Variants in ZNF12 observed in about 807,000 individuals in gnomAD.
ZNF12 encodes zinc finger protein 12.
In ZNF12, 34 loss-of-function variants were observed where a neutral mutation model predicts 66.6. That is an observed-to-expected ratio of 0.51 (90% confidence interval 0.39 to 0.68). The LOEUF is 0.68. Among genes scored for constraint, ZNF12 ranks in the 30% least tolerant of loss-of-function variants. ZNF12 has a pLI of 0.00. For synonymous variants in ZNF12, 320 were observed against 278.9 expected (o/e 1.15, Z -1.47); for missense variants, 697 against 826.9 (o/e 0.84, Z 1.93).
In ZNF12 at chr7:6,692,326, G is replaced by A. The variant is rs773826360; in HGVS notation, c.616C>T (p.Leu206Phe). The A allele has an allele frequency of 6.2e-7, 1 of 1,609,624 alleles. No individual in the cohort carries two copies. The highest frequency in any genetic ancestry group is 8.5e-7 in the Non-Finnish European group (1 of 1,178,304). The change falls in exon 5 of 5, where the codon CTT becomes TTT. Residue 206 changes from leucine (L) to phenylalanine (F), a missense_variant. Leu to Phe is a conservative substitution (Grantham distance 22). Around this residue, in one of 3 missense-constraint regions of ZNF12, gnomAD observed 241 missense variants for 224.0 expected, o/e 1.08. Coordinates refer to ENST00000405858, the MANE Select transcript of ZNF12 (RefSeq NM_016265.4). This position sits in a 1 kb window ranked among gnomAD's most constrained non-coding sequence, Gnocchi z 5.1. ...TCCAAAATACGAATTTTCTGATAAA[G>A]ACTTTCTTCATTTAGAGTATAAGGT... ...GEPYTLNEES[L>F]YQKIRILEKP...
Position 6,692,167 on chromosome 7 carries a change from G to A in ZNF12, c.775C>T (p.His259Tyr), listed in dbSNP as rs1417418035. Residue 259 changes from histidine (H) to tyrosine (Y), a missense_variant, in exon 5 of 5, where the codon CAT becomes TAT. Physicochemically the swap from His to Tyr is moderately conservative, Grantham distance 83 (BLOSUM62 2). This residue lies in a region of ZNF12 where 241 missense variants were observed against 224.0 expected (regional missense o/e 1.08). Coordinates refer to ENST00000405858, the MANE Select transcript of ZNF12 (RefSeq NM_016265.4). The surrounding 1 kb of genome is among the most constrained non-coding windows in gnomAD (Gnocchi z 5.1). ...TTCATTTCCATATGAGATGTCTGAT[G>A]TACAGTGAGGTCCGACATCTGGAGA... ...AFLQMSDLTV[H>Y]QTSHMEMKPY... The A allele has an allele frequency of 1.2e-6, 2 of 1,614,160 alleles. No individual in the cohort carries two copies. Among genetic ancestry groups the A allele is most frequent in the Admixed American group, 1.7e-5 (1 of 60,012 alleles).
At chr7:6,701,714 C>T (rs1202075216) in intron 2 of ZNF12, among the ~76,000 whole-genome samples, 1 of 152,064 alleles carries the variant, frequency 6.6e-6, no homozygotes, top group African/African-American at 2.4e-5. Flanking sequence ...TGTCTACCCT[C>T]TTCTCTAACC....
In ZNF12 at chr7:6,705,386, C is replaced by A. The variant is rs775920392; in HGVS notation, c.-50-163G>T. Reference sequence around the variant, plus strand: ...ATTGGAAAATGATCAGGAGGGGGACCGATCTGCACATTTGAAACTCACACA... The same window carrying A: ...ATTGGAAAATGATCAGGAGGGGGACAGATCTGCACATTTGAAACTCACACA... On this transcript the variant is annotated intron_variant, in intron 1 of 4. Transcript: ENST00000405858. The surrounding 1 kb of genome is among the most constrained non-coding windows in gnomAD (Gnocchi z 4.0). Among the ~76,000 whole-genome samples the A allele has an allele frequency of 3.3e-5, 5 of 152,224 alleles. No homozygotes were observed. The highest frequency in any genetic ancestry group is 1.9e-4 in the East Asian group (1 of 5,192).
chr7:6,695,317 C>A (rs1422235653), intron 4 of ZNF12, among the ~76,000 whole-genome samples: 1 of 152,232 alleles, frequency 6.6e-6, no homozygotes, highest in Non-Finnish European at 1.5e-5. Context: ...TGTTCTTAAT[C>A]TGAATCATAT....
At chr7:6,706,308 A>G in intron 1 of ZNF12, 124 bp downstream of exon 1, 1 of 432,776 alleles carries the variant, frequency 2.3e-6, no homozygotes, top group South Asian at 1.6e-5. Context: ...CTGCCTTCAA[A>G]CCCAAACACA....
chr7:6,690,998 G>A lies in ZNF12; in HGVS notation c.1944C>T (p.Leu648=). The change falls in exon 5 of 5, where the codon CTC becomes CTT. Residue 648 remains leucine (L), a synonymous_variant. Coordinates refer to ENST00000405858, the MANE Select transcript of ZNF12 (RefSeq NM_016265.4). ...CGKAFSRMSY[L]TVHYRTHSGE... Reference sequence around the variant, plus strand: ...CTGAATGAGTTCTATAATGTACAGTGAGGTATGACATCCGAGAGAAGGCTT... The same window carrying A: ...CTGAATGAGTTCTATAATGTACAGTAAGGTATGACATCCGAGAGAAGGCTT... The A allele has an allele frequency of 6.2e-7, 1 of 1,614,138 alleles. No individual in the cohort carries two copies. The highest frequency in any genetic ancestry group is 1.3e-5 in the African/African-American group (1 of 75,046).
In ZNF12 at chr7:6,690,887, T is replaced by G; in HGVS notation, c.2055A>C (p.Arg685Ser). 5 of 1,613,732 alleles carry G rather than the reference T, an allele frequency of 3.1e-6. No homozygotes were observed. Among genetic ancestry groups the G allele is most frequent in the Non-Finnish European group, 4.2e-6 (5 of 1,179,822 alleles). The change falls in exon 5 of 5, where the codon AGA becomes AGC. Residue 685 changes from arginine (R) to serine (S), a missense_variant. By Grantham distance (110) the Arg-to-Ser change is moderately radical (BLOSUM62 -1). Coordinates refer to ENST00000405858, the MANE Select transcript of ZNF12 (RefSeq NM_016265.4). Reference sequence around the variant, plus strand: ...CCACATCTATTACATTCATATTGCCTCTCCTATGAATTCTCTGATGGCTGT... The same window carrying G: ...CCACATCTATTACATTCATATTGCCGCTCCTATGAATTCTCTGATGGCTGT... ...AFNSHQRIHR[R>S]GNMNVIDVGR...
rs1394162471 is a variant in ZNF12 at position 6,705,614 on chromosome 7, G to C, written c.-50-391C>G. Among the ~76,000 whole-genome samples, 1 of 152,122 alleles carries C rather than the reference G, an allele frequency of 6.6e-6. No homozygotes were observed. The highest frequency in any genetic ancestry group is 1.5e-5 in the Non-Finnish European group (1 of 68,030). On this transcript the variant is annotated intron_variant, in intron 1 of 4. Transcript: ENST00000405858. This position sits in a 1 kb window ranked among gnomAD's most constrained non-coding sequence, Gnocchi z 4.0. ...GGCGCCTGTAACCCCAGCTACTCGG[G>C]AGGCTGAGGCAGGAGAATCGCTTGA...
At position 6,698,069 on chromosome 7, in the gene ZNF12, C is replaced by G. The variant is rs765008894; in HGVS notation, c.16-258G>C. ...GAAACAATCCTGGCTGTTGGGAACT[C>G]TTAACACCAGCAGGGACGAATCTCA... is the stretch of plus-strand genomic sequence containing the variant. On this transcript the variant is annotated intron_variant, in intron 2 of 4. Transcript: ENST00000405858. The surrounding 1 kb of genome is among the most constrained non-coding windows in gnomAD (Gnocchi z 4.4). 1.5e-6 allele frequency: 1 copy of G among 680,782 alleles called. No homozygotes were observed. Among genetic ancestry groups the G allele is most frequent in the Non-Finnish European group, 2.7e-6 (1 of 365,918 alleles). The allele number at this position is 680,782 out of a possible 1,614,324, so 42.2% of individuals were successfully genotyped here.
chr7:6,706,320 G>A (rs1258160873), intron 1 of ZNF12, 112 bp downstream of exon 1: 6 of 441,176 alleles, frequency 1.4e-5, no homozygotes, highest in African/African-American at 4.1e-5. Flanking sequence ...CCAAACACAC[G>A]TCACTCCTGC....
chr7:6,700,570 A>G (rs1780224579), intron 2 of ZNF12, among the ~76,000 whole-genome samples: 1 of 152,068 alleles, frequency 6.6e-6, no homozygotes. Context: ...CACTGACTCA[A>G]TCCCCTCAAA....
Position 6,690,758 on chromosome 7 carries a change from A to C in ZNF12, c.*90T>G. ...GGGATGTCCACACTAACCTGTGTGAACTCTCTGATGTACAAGGTGTTTGAC... is the reference window on the plus strand; with the variant it reads ...GGGATGTCCACACTAACCTGTGTGACCTCTCTGATGTACAAGGTGTTTGAC... On this transcript the variant is annotated 3_prime_UTR_variant, in exon 5 of 5. Transcript: ENST00000405858. 7.6e-7 allele frequency: 1 copy of C among 1,314,728 alleles called. No homozygotes were observed. Among genetic ancestry groups the C allele is most frequent in the Non-Finnish European group, 1.0e-6 (1 of 977,458 alleles). The allele number at this position is 1,314,728 out of a possible 1,614,324, so 81.4% of individuals were successfully genotyped here.
At chr7:6,703,231 G>GC (rs1780286484) in intron 2 of ZNF12, among the ~76,000 whole-genome samples, 1 of 152,170 alleles carries the variant, frequency 6.6e-6, no homozygotes, top group African/African-American at 2.4e-5. Context: ...TGGGAGCCAC[G>GC]CAAGTGCTTT....
rs1215537665 is a variant in ZNF12 at position 6,691,126 on chromosome 7, C to T, written c.1816G>A (p.Glu606Lys). 6 of 1,613,986 alleles carry T rather than the reference C, an allele frequency of 3.7e-6. No homozygotes were observed. Among genetic ancestry groups the T allele is most frequent in the South Asian group, 1.1e-5 (1 of 91,076 alleles). ...AAGCACTTCCCACATTCATAACATTCGTAGGCTTTCTCTCCTGTGTGTGTT... is the reference window on the plus strand; with the variant it reads ...AAGCACTTCCCACATTCATAACATTTGTAGGCTTTCTCTCCTGTGTGTGTT... Reference protein sequence around the residue: ...QRTHTGEKAYECYECGKCFSQ... With the variant: ...QRTHTGEKAYKCYECGKCFSQ... The change falls in exon 5 of 5, where the codon GAA becomes AAA. Residue 606 changes from glutamate (E) to lysine (K), a missense_variant. By Grantham distance (56) the Glu-to-Lys change is moderately conservative. Around this residue, in one of 3 missense-constraint regions of ZNF12, gnomAD observed 401 missense variants for 519.0 expected, o/e 0.77. Transcript: ENST00000405858.
At chr7:6,702,437 CCA>C (rs1780265844) in intron 2 of ZNF12, among the ~76,000 whole-genome samples, 1 of 68,894 alleles carries the variant, frequency 1.5e-5, no homozygotes, top group South Asian at 5.7e-4. Flanking sequence ...CGCACACACA[CCA>C]GATTCATCTC....
In ZNF12 at chr7:6,692,528, G is replaced by A; in HGVS notation, c.414C>T (p.Ser138=). The part of the protein sequence containing the change: ...VPSRKIAYKN[S]LCDSCEKCLT... ...AACACTTTTCACATGAGTCACAGAG[G>A]CTATTTTTATAGGCTATTTTTCTTG... Residue 138 remains serine (S), a synonymous_variant, in exon 5 of 5, where the codon AGC becomes AGT. Coordinates refer to ENST00000405858, the MANE Select transcript of ZNF12 (RefSeq NM_016265.4). The surrounding 1 kb of genome is among the most constrained non-coding windows in gnomAD (Gnocchi z 5.1). 6.2e-7 allele frequency: 1 copy of A among 1,613,644 alleles called. No individual in the cohort carries two copies. Among genetic ancestry groups the A allele is most frequent in the Non-Finnish European group, 8.5e-7 (1 of 1,179,802 alleles).
rs1780061844 is a variant in ZNF12, at chr7:6,691,188, G to C, written c.1754C>G (p.Thr585Ser). The change falls in exon 5 of 5, where the codon ACC becomes AGC. Residue 585 changes from threonine to serine, a missense_variant. Thr to Ser is a moderately conservative substitution (Grantham distance 58). Around this residue, in one of 3 missense-constraint regions of ZNF12, gnomAD observed 401 missense variants for 519.0 expected, o/e 0.77. Coordinates refer to ENST00000405858, the MANE Select transcript of ZNF12 (RefSeq NM_016265.4). Reference sequence around the variant, plus strand: ...ATTAAGGGCTGAATTCTGGCAGAAGGTTTTCCCACATTCACTACATTCATA... The same window carrying C: ...ATTAAGGGCTGAATTCTGGCAGAAGCTTTTCCCACATTCACTACATTCATA... ...KPYECSECGK[T>S]FCQNSALNRH... The C allele has an allele frequency of 6.2e-6, 10 of 1,613,606 alleles. No homozygotes were observed. The highest frequency in any genetic ancestry group is 8.5e-6 in the Non-Finnish European group (10 of 1,179,916).
Position 6,696,174 on chromosome 7 carries a change from T to G in ZNF12, c.238+1165A>C, listed in dbSNP as rs1040414158. 6.6e-6 allele frequency among the ~76,000 whole-genome samples: 1 copy of G among 152,172 alleles called. No individual in the cohort carries two copies. The highest frequency in any genetic ancestry group is 2.4e-5 in the African/African-American group (1 of 41,434). ...GGACTCATAGCATGACAGCATCTAG[T>G]CTTTGTTTACATTAAGTCAAAGGAA... On this transcript the variant is annotated intron_variant, in intron 4 of 4. Transcript: ENST00000405858. The surrounding 1 kb of genome is among the most constrained non-coding windows in gnomAD (Gnocchi z 4.0).
chr7:6,696,201 CTG>C lies in ZNF12; in HGVS notation c.238+1136_238+1137del, dbSNP rs1780152281. The stretch of plus-strand genomic sequence containing the variant: ...TTTGTTTACATTAAGTCAAAGGAAA[CTG>C]AGGATATACAGAGGACAATGAAGAC... On this transcript the variant is annotated intron_variant, in intron 4 of 4. Transcript: ENST00000405858. This position sits in a 1 kb window ranked among gnomAD's most constrained non-coding sequence, Gnocchi z 4.0. Among the ~76,000 whole-genome samples, 1 of 152,130 alleles carries C rather than the reference CTG, an allele frequency of 6.6e-6. No homozygotes were observed. The highest frequency in any genetic ancestry group is 1.5e-5 in the Non-Finnish European group (1 of 68,018).
Sources: allele counts gnomAD v4.1 joint callset (sites outside exome capture counted in the v4.1 genomes callset), GRCh38; gene constraint gnomAD v4.1.1; regional missense constraint gnomAD v4.1.1; non-coding constraint Gnocchi (gnomAD v3.1); transcripts MANE v1.5; gene names NCBI Gene and HGNC (gene_info 2026-07-23, HGNC 2026-07-21).